ILKAP: variants seen among roughly 807,000 people sequenced by gnomAD.
ILKAP encodes integrin-linked kinase-associated serine/threonine phosphatase 2C.
A neutral mutation model predicts 49.1 loss-of-function variants in ILKAP; 11 were observed. The observed-to-expected ratio is 0.22, with a 90% CI of 0.14 to 0.37. ILKAP has a LOEUF of 0.37. ILKAP is among the 10% of genes least tolerant of loss of function. The pLI, the probability that ILKAP is intolerant of heterozygous loss-of-function variation, is 1.00. For missense variants in ILKAP, 363 were observed against 510.8 expected (o/e 0.71, Z 2.79); for synonymous variants, 186 against 192.8 (o/e 0.96, Z 0.29).
chr2:238,175,310 C>T (rs1239081058), intron 9 of ILKAP, among the ~76,000 whole-genome samples: 2 of 151,980 alleles, frequency 1.3e-5, no homozygotes, highest in South Asian at 2.1e-4. Context: ...CCAGGCTGGT[C>T]CTTAAACAAT....
chr2:238,183,744 G>T lies in ILKAP; in HGVS notation c.627-4C>A. 1 of 1,609,672 alleles carries T rather than the reference G, an allele frequency of 6.2e-7. No individual in the cohort carries two copies. The highest frequency in any genetic ancestry group is 8.5e-7 in the Non-Finnish European group (1 of 1,177,986). ...CCCATCTTTCCAGGCAGGCTTCCTG[G>T]GGGGAAACACATCAGAAACACAGTC... On this transcript the variant is annotated splice_region_variant and splice_polypyrimidine_tract_variant and intron_variant, in intron 7 of 11. Transcript: ENST00000254654.
chr2:238,171,366 G>T (rs1176335543), intron 10 of ILKAP, among the ~76,000 whole-genome samples: 2 of 152,022 alleles, frequency 1.3e-5, no homozygotes, highest in Admixed American at 1.3e-4. Context: ...TCACCACGTT[G>T]GCCAGGCTGG....
At chr2:238,185,451 T>TA (rs1693863604) in intron 5 of ILKAP, 164 bp from the exon 6 acceptor site, 1 of 531,468 alleles carries the variant, frequency 1.9e-6, no homozygotes, top group South Asian at 2.8e-5. Flanking sequence ...AAAAAGGCTT[T>TA]AACTGAGACA....
At chr2:238,182,422 T>C (rs1052768442) in intron 8 of ILKAP, among the ~76,000 whole-genome samples, 1 of 152,210 alleles carries the variant, frequency 6.6e-6, no homozygotes, top group African/African-American at 2.4e-5. Flanking sequence ...TGGTACAAAC[T>C]CTGCTGAATA....
intron 1 of ILKAP, 45 bp downstream of exon 1, chr2:238,203,454 G>A (rs1273145635): frequency 3.4e-6 from 4 of 1,167,932 alleles, no homozygotes; most frequent in South Asian, 2.2e-5. Flanking sequence ...CCCCCATCCC[G>A]CCTGCTCTCC....
rs974998540 is a variant in ILKAP, at chr2:238,194,138, T to G, written c.178+137A>C. On this transcript the variant is annotated intron_variant, in intron 3 of 11. Coordinates refer to ENST00000254654, the MANE Select transcript of ILKAP (RefSeq NM_030768.3). ...TGCTTCCAATTAATGTGCCTGTTTA[T>G]AGTTTTAGTAAACCTTATGCTGTAT... The G allele has an allele frequency of 7.5e-5, 48 of 636,688 alleles. No homozygotes were observed. The African/African-American group carries it at 7.9e-4, about 10-fold the overall frequency. The allele number at this position is 636,688 out of a possible 1,614,324, so 39.4% of individuals were successfully genotyped here. A position where few individuals can be genotyped will look rare whatever the true frequency, so the allele number is the denominator to read the frequency against.
chr2:238,179,824 C>T (rs1415628014), intron 9 of ILKAP, among the ~76,000 whole-genome samples: 1 of 151,818 alleles, frequency 6.6e-6, no homozygotes, highest in Non-Finnish European at 1.5e-5. Context: ...TAAAAAAATA[C>T]GCAGGTTCAG....
At chr2:238,183,928 G>C (rs980967069) in intron 7 of ILKAP, 92 bp downstream of exon 7, 3 of 991,054 alleles carry the variant, frequency 3.0e-6, no homozygotes, top group Non-Finnish European at 4.8e-6. Flanking sequence ...CAGACAGTGA[G>C]CAATAGTGTT....
At chr2:238,194,729 A>G (rs1435445182) in intron 2 of ILKAP, 76 bp downstream of exon 2, 3 of 1,425,530 alleles carry the variant, frequency 2.1e-6, no homozygotes, top group Non-Finnish European at 3.0e-6. Context: ...GGGGAAAGGG[A>G]AAAAGATTGA....
chr2:238,190,136 G>T (rs868500924), intron 3 of ILKAP, among the ~76,000 whole-genome samples, 164 bp from the exon 4 acceptor site: 11 of 152,212 alleles, frequency 7.2e-5, no homozygotes, highest in Admixed American at 1.3e-4. Flanking sequence ...TGGCGGGGAG[G>T]GGGAGGGGGG....
At position 238,203,561 on chromosome 2, in the gene ILKAP, G is replaced by A; in HGVS notation, c.-8C>T. Reference sequence around the variant, plus strand: ...GTCCCCGAAGAGGTCCATGGCGGAGGCTGGGTGGAGGCGGCAGCAGCGACA... The same window carrying A: ...GTCCCCGAAGAGGTCCATGGCGGAGACTGGGTGGAGGCGGCAGCAGCGACA... On this transcript the variant is annotated 5_prime_UTR_variant, in exon 1 of 12. Coordinates refer to ENST00000254654, the MANE Select transcript of ILKAP (RefSeq NM_030768.3). 8.6e-7 allele frequency: 1 copy of A among 1,163,232 alleles called. No homozygotes were observed. Among genetic ancestry groups the A allele is most frequent in the South Asian group, 3.3e-5 (1 of 30,396 alleles). 72.1% of individuals were successfully genotyped at this position (1,163,232 alleles called of 1,614,324 possible). A position where few individuals can be genotyped will look rare whatever the true frequency, so the allele number is the denominator to read the frequency against.
chr2:238,178,140 T>C (rs1693543168), intron 9 of ILKAP, among the ~76,000 whole-genome samples: 1 of 152,192 alleles, frequency 6.6e-6, no homozygotes, highest in Non-Finnish European at 1.5e-5. Context: ...TAGTGAGGTA[T>C]ATCTAAGGAC....
chr2:238,176,128 G>A (rs1263961194), intron 9 of ILKAP, among the ~76,000 whole-genome samples: 1 of 112,402 alleles, frequency 8.9e-6, no homozygotes, highest in Non-Finnish European at 1.7e-5. Context: ...TGCTTAGCAA[G>A]TAGTGGCTTT....
chr2:238,199,777 CTT>C (rs879423731), intron 1 of ILKAP, among the ~76,000 whole-genome samples: 2 of 144,770 alleles, frequency 1.4e-5, no homozygotes, highest in Non-Finnish European at 3.0e-5. Flanking sequence ...AAATATTCTT[CTT>C]TTTTTTTTTT....
chr2:238,199,543 T>C (rs934549535), intron 1 of ILKAP, among the ~76,000 whole-genome samples: 5 of 152,222 alleles, frequency 3.3e-5, no homozygotes, highest in Non-Finnish European at 7.3e-5. Context: ...ACCATTTTTC[T>C]AGTGGGTTTT....
intron 5 of ILKAP, chr2:238,185,837 A>C (rs1190019984): frequency 6.6e-6 from 1 of 152,442 alleles, no homozygotes; most frequent in Non-Finnish European, 1.5e-5. Flanking sequence ...GTGTGTGTGT[A>C]GGTGTGGGAG....
At chr2:238,190,030 C>CTAG (rs1694056932) in intron 3 of ILKAP, 58 bp from the exon 4 acceptor site, 1 of 1,584,856 alleles carries the variant, frequency 6.3e-7, no homozygotes, top group African/African-American at 1.4e-5. Context: ...GAAAAAGTCA[C>CTAG]TAGTAGACTG....
chr2:238,197,153 G>A (rs1027677476), intron 1 of ILKAP, among the ~76,000 whole-genome samples: 2 of 152,184 alleles, frequency 1.3e-5, no homozygotes, highest in African/African-American at 2.4e-5. Context: ...CTGAGATAGC[G>A]CCACTGCACT....
Position 238,203,502 on chromosome 2 carries a change from C to T in ILKAP, c.52G>A (p.Ala18Thr). ...PEPERSPRPAAGKEAQKGPLL... is the reference protein window; with the variant it reads ...PEPERSPRPATGKEAQKGPLL... ...GCCCGGCGGCAACGCCGCTTACCGG[C>T]AGCCGGGCGCGGCGAGCGCTCGGGC... Residue 18 changes from alanine to threonine, a missense_variant, in exon 1 of 12, where the codon GCC becomes ACC. By Grantham distance (58) the Ala-to-Thr change is moderately conservative. This residue lies in a region of ILKAP where 114 missense variants were observed against 116.0 expected (regional missense o/e 0.98). Transcript: ENST00000254654. 2 of 1,253,738 alleles carry T rather than the reference C, an allele frequency of 1.6e-6. No homozygotes were observed. Among genetic ancestry groups the T allele is most frequent in the South Asian group, 4.0e-5 (2 of 50,444 alleles). 77.7% of individuals were successfully genotyped at this position (1,253,738 alleles called of 1,614,324 possible). A position where few individuals can be genotyped will look rare whatever the true frequency, so the allele number is the denominator to read the frequency against.
Sources: gnomAD v4.1 joint callset for allele counts (sites outside exome capture counted in the v4.1 genomes callset) on GRCh38, gnomAD v4.1.1 for gene constraint, gnomAD v4.1.1 regional missense constraint, MANE v1.5 for transcripts, NCBI Gene and HGNC (gene_info 2026-07-23, HGNC 2026-07-21) for gene names.